The following LPP variants were observed in gnomAD, a reference collection of about 807,000 sequenced individuals.
The protein encoded by LPP is LIM domain containing preferred translocation partner in lipoma.
LPP carries 38 observed loss-of-function variants against 60.4 expected under a neutral mutation model. The observed-to-expected ratio is 0.63, with a 90% CI of 0.49 to 0.83. The LOEUF is 0.83. Ranked by LOEUF, LPP falls within the 40% of genes least tolerant of loss-of-function variation. The pLI is 0.00. For missense variants in LPP, 902 were observed against 783.6 expected (o/e 1.15, Z -1.80); for synonymous variants, 328 against 290.8 (o/e 1.13, Z -1.30).
At chr3:188,715,485 T>G (rs1308306437) in intron 8 of LPP, among the ~76,000 whole-genome samples, 2 of 151,576 alleles carry the variant, frequency 1.3e-5, no homozygotes, top group South Asian at 2.1e-4. Context: ...AATGGAAAAC[T>G]TTTAAATTGA....
intron 5 of LPP, among the ~76,000 whole-genome samples, chr3:188,503,839 C>T (rs565988140): frequency 6.6e-6 from 1 of 152,244 alleles, no homozygotes; most frequent in South Asian, 2.1e-4. Context: ...TGTGATGAGT[C>T]ACCTCTCTTG....
intron 2 of LPP, among the ~76,000 whole-genome samples, chr3:188,326,200 T>C (rs1219418500): frequency 6.6e-6 from 1 of 152,206 alleles, no homozygotes. Flanking sequence ...ATACCAGGTC[T>C]TCCGACTTTT....
At chr3:188,530,915 C>T (rs1390049334) in intron 6 of LPP, among the ~76,000 whole-genome samples, 3 of 152,112 alleles carry the variant, frequency 2.0e-5, no homozygotes, top group African/African-American at 4.8e-5. Flanking sequence ...GGGGTTGGAA[C>T]GAAATTCTGT....
At chr3:188,240,301 C>T (rs979080913) in intron 2 of LPP, 2 of 165,088 alleles carry the variant, frequency 1.2e-5, no homozygotes, top group African/African-American at 2.4e-5. Context: ...GCTTGCCTAA[C>T]AAGGTTGTTG....
chr3:188,509,797 A>G (rs1298694276), intron 5 of LPP, among the ~76,000 whole-genome samples: 3 of 143,156 alleles, frequency 2.1e-5, no homozygotes, highest in Non-Finnish European at 3.0e-5. Context: ...GGTTCAAGCG[A>G]TTCTCCTGTT....
chr3:188,806,360 G>C (rs1560230080), intron 9 of LPP, among the ~76,000 whole-genome samples: 1 of 151,554 alleles, frequency 6.6e-6, no homozygotes. Context: ...TTCTTGTTCT[G>C]AATTTTAGAT....
At chr3:188,453,676 T>C (rs1797108790) in intron 4 of LPP, among the ~76,000 whole-genome samples, 2 of 152,156 alleles carry the variant, frequency 1.3e-5, no homozygotes, top group African/African-American at 4.8e-5. Flanking sequence ...TAAATATTTC[T>C]ACTTCCACAA....
intron 5 of LPP, among the ~76,000 whole-genome samples, chr3:188,498,646 C>G (rs552025934): frequency 6.6e-6 from 1 of 152,122 alleles, no homozygotes; most frequent in African/African-American, 2.4e-5. Flanking sequence ...TCTTTTGGAC[C>G]CTGCTTTCAG....
intron 9 of LPP, among the ~76,000 whole-genome samples, chr3:188,865,326 T>C (rs980600640): frequency 6.6e-6 from 1 of 152,212 alleles, no homozygotes; most frequent in Non-Finnish European, 1.5e-5. Flanking sequence ...TGTTTCTTAA[T>C]TCACTTTTTC....
chr3:188,241,750 C>T (rs1218235423), intron 2 of LPP, among the ~76,000 whole-genome samples: 1 of 152,188 alleles, frequency 6.6e-6, no homozygotes, highest in East Asian at 1.9e-4. Context: ...ATAACTACTA[C>T]TATATACGTA....
intron 7 of LPP, among the ~76,000 whole-genome samples, chr3:188,612,701 A>T (rs1187889341): frequency 1.3e-5 from 2 of 152,112 alleles, no homozygotes; most frequent in Non-Finnish European, 2.9e-5. Flanking sequence ...ACTTACCCTC[A>T]TGTCTGAAAA....
chr3:188,501,410 T>G (rs1811813712), intron 5 of LPP, among the ~76,000 whole-genome samples: 1 of 151,928 alleles, frequency 6.6e-6, no homozygotes, highest in Non-Finnish European at 1.5e-5. Flanking sequence ...GACAGGAGTT[T>G]AAGACTAGCC....
chr3:188,331,262 C>T (rs1006251542), intron 2 of LPP, among the ~76,000 whole-genome samples: 4 of 152,142 alleles, frequency 2.6e-5, no homozygotes, highest in Non-Finnish European at 5.9e-5. Context: ...GTATCTCCCA[C>T]TATTGGGCTG....
intron 3 of LPP, among the ~76,000 whole-genome samples, chr3:188,354,926 G>A (rs1179077648): frequency 2.0e-5 from 3 of 152,154 alleles, no homozygotes; most frequent in Non-Finnish European, 2.9e-5. Context: ...TCAGAATTTC[G>A]GATGTATGTG....
intron 5 of LPP, among the ~76,000 whole-genome samples, chr3:188,491,904 C>A (rs1808487055): frequency 6.6e-6 from 1 of 152,118 alleles, no homozygotes; most frequent in South Asian, 2.1e-4. Context: ...ATCATAGTTT[C>A]TCTTCTTTAC....
chr3:188,787,736 C>T lies in LPP; in HGVS notation c.1410+27454C>T, dbSNP rs556134227. Among the ~76,000 whole-genome samples, 51 of 152,250 alleles carry T rather than the reference C, an allele frequency of 3.3e-4. No individual in the cohort carries two copies. In the South Asian group the frequency reaches 0.01, roughly 31 times the overall value. ...TTTAATAGATTTCCTCTCTTCATTC[C>T]TTAAATTCTCCATTTTTCTTGAGTT... is the stretch of plus-strand genomic sequence containing the variant. On this transcript the variant is annotated intron_variant, in intron 9 of 11. Coordinates refer to ENST00000617246, the MANE Select transcript of LPP (RefSeq NM_001375462.1).
intron 9 of LPP, among the ~76,000 whole-genome samples, chr3:188,819,187 A>G (rs1753292091): frequency 6.6e-6 from 1 of 152,112 alleles, no homozygotes; most frequent in South Asian, 2.1e-4. Context: ...TTGGGGGTAC[A>G]TATGCAGGTT....
chr3:188,259,601 G>A lies in LPP; in HGVS notation c.-67+34074G>A, dbSNP rs115022550. 3.8e-3 allele frequency among the ~76,000 whole-genome samples: 575 copies of A among 152,310 alleles called. 7 individuals are homozygous for A. The highest frequency in any genetic ancestry group is 0.013 in the African/African-American group (541 of 41,562). ...AATTTCTCCCCTTCTACTACTGTAA[G>A]CTTCTGCAGGGTGGGGCAGCCTCTT... On this transcript the variant is annotated intron_variant, in intron 2 of 11. Coordinates refer to ENST00000617246, the MANE Select transcript of LPP (RefSeq NM_001375462.1).
At chr3:188,261,797 C>G (rs1733750496) in intron 2 of LPP, among the ~76,000 whole-genome samples, 2 of 151,900 alleles carry the variant, frequency 1.3e-5, no homozygotes, top group African/African-American at 4.8e-5. Flanking sequence ...ATCTGTAGTC[C>G]TACCCACTCA....
Sources: allele counts gnomAD v4.1 joint callset (sites outside exome capture counted in the v4.1 genomes callset), GRCh38; gene constraint gnomAD v4.1.1; transcripts MANE v1.5; gene names NCBI Gene and HGNC (gene_info 2026-07-23, HGNC 2026-07-21).